CNNM2: variants seen among roughly 807,000 people sequenced by gnomAD.
CNNM2 encodes cyclin and CBS domain divalent metal cation transport mediator 2, also known as metal transporter CNNM2.
A neutral mutation model predicts 66.9 loss-of-function variants in CNNM2; 12 were observed. The ratio of observed to expected loss-of-function variants is 0.18; its 90% CI spans 0.11 to 0.29. The LOEUF (loss-of-function observed/expected upper bound fraction) is 0.29, where lower values mean the gene tolerates loss of function less well. Ranked by LOEUF, CNNM2 falls within the 10% of genes least tolerant of loss-of-function variation. CNNM2 has a pLI of 1.00. For missense variants in CNNM2, 705 were observed against 1,167.7 expected, an observed-to-expected ratio of 0.60 and a Z score of 5.77; for synonymous variants, 557 against 501.8, an observed-to-expected ratio of 1.11 and a Z score of -1.47.
At chr10:102,972,497 C>T (rs1488693767) in intron 1 of CNNM2, among the ~76,000 whole-genome samples, 2 of 151,970 alleles carry the variant, frequency 1.3e-5, no homozygotes, top group African/African-American at 4.8e-5. Flanking sequence ...ATTAGACGGG[C>T]GTGGTGGCGG....
At chr10:102,996,781 C>T (rs1234016404) in intron 1 of CNNM2, among the ~76,000 whole-genome samples, 1 of 152,188 alleles carries the variant, frequency 6.6e-6, no homozygotes, top group Non-Finnish European at 1.5e-5. Flanking sequence ...CACTTCATAT[C>T]CTAGTAGTAT....
At chr10:103,049,683 C>CT (rs2134329533) in intron 1 of CNNM2, 24 bp from the exon 2 acceptor site, 2 of 1,602,008 alleles carry the variant, frequency 1.2e-6, no homozygotes, top group East Asian at 4.5e-5. Context: ...AAGTCACTTC[C>CT]TAAACTTTTT....
intron 6 of CNNM2, among the ~76,000 whole-genome samples, chr10:103,075,342 T>A (rs1008006071): frequency 6.6e-6 from 1 of 152,208 alleles, no homozygotes; most frequent in African/African-American, 2.4e-5. Context: ...GGGCATTTTT[T>A]AATGACGTTT....
In CNNM2 at chr10:102,988,011, T is replaced by A. The variant is rs556841020; in HGVS notation, c.1622-61696T>A. Reference sequence around the variant, plus strand: ...CGCTACTTAATTGATTTAGAAATATTGAAAAGGCCGGGCATGGTGGCTCAT... The same window carrying A: ...CGCTACTTAATTGATTTAGAAATATAGAAAAGGCCGGGCATGGTGGCTCAT... On this transcript the variant is annotated intron_variant, in intron 1 of 7. Transcript: ENST00000369878. Among the ~76,000 whole-genome samples the A allele has an allele frequency of 2.0e-5, 3 of 152,164 alleles. No individual in the cohort carries two copies. In the East Asian group the frequency reaches 5.8e-4, roughly 30 times the overall value.
At position 102,919,761 on chromosome 10, in the gene CNNM2, C is replaced by G. The variant is rs750803704; in HGVS notation, c.1281C>G (p.Leu427=). The G allele has an allele frequency of 1.2e-6, 2 of 1,614,222 alleles. No individual in the cohort carries two copies. The highest frequency in any genetic ancestry group is 8.5e-7 in the Non-Finnish European group (1 of 1,180,042). ...GGGTCACCGATCCCTACAACGACCT[C>G]GTTAAGGAGGAGCTGAACATCATCC... ...MLRVTDPYND[L]VKEELNIIQG... is the part of the protein sequence containing the mutation. The change falls in exon 1 of 8, where the codon CTC becomes CTG. Residue 427 remains leucine, a synonymous_variant. Coordinates refer to ENST00000369878, the MANE Select transcript of CNNM2 (RefSeq NM_017649.5).
At chr10:102,933,732 C>A (rs1466339027) in intron 1 of CNNM2, among the ~76,000 whole-genome samples, 7 of 152,102 alleles carry the variant, frequency 4.6e-5, no homozygotes, top group African/African-American at 1.7e-4. Flanking sequence ...GACAGGGTCT[C>A]ATTAGCACAT....
rs1235850716 is a variant in CNNM2 at position 102,943,684 on chromosome 10, A to T, written c.1621+23583A>T. 1.3e-5 allele frequency among the ~76,000 whole-genome samples: 2 copies of T among 152,176 alleles called. 1 individual carries two copies. The highest frequency in any genetic ancestry group is 2.9e-5 in the Non-Finnish European group (2 of 68,028). On this transcript the variant is annotated intron_variant, in intron 1 of 7. Coordinates refer to ENST00000369878, the MANE Select transcript of CNNM2 (RefSeq NM_017649.5). ...GTAGAGCTCTTCATACTCTGGCTCTAGCCCTTGTTTTTATTTTCTGTCTAA... is the reference window on the plus strand; with the variant it reads ...GTAGAGCTCTTCATACTCTGGCTCTTGCCCTTGTTTTTATTTTCTGTCTAA...
chr10:102,961,482 A>G (rs994770131), intron 1 of CNNM2, among the ~76,000 whole-genome samples: 8 of 152,214 alleles, frequency 5.3e-5, no homozygotes, highest in Non-Finnish European at 1.0e-4. Flanking sequence ...CTTGAAGCAC[A>G]TGTCTTATAG....
intron 4 of CNNM2, among the ~76,000 whole-genome samples, chr10:103,067,096 C>CTT (rs987865731): frequency 2.0e-4 from 29 of 141,550 alleles, no homozygotes; most frequent in African/African-American, 5.9e-4. Context: ...GGCATAGCAT[C>CTT]TTTTTTTTTT....
intron 1 of CNNM2, among the ~76,000 whole-genome samples, chr10:103,003,625 A>T (rs1233707905): frequency 6.6e-6 from 1 of 151,546 alleles, no homozygotes; most frequent in African/African-American, 2.4e-5. Flanking sequence ...GAAGTTTGAG[A>T]CCAGCCTGGC....
chr10:102,920,151 TC>T, intron 1 of CNNM2, 50 bp downstream of exon 1: 1 of 1,613,660 alleles, frequency 6.2e-7, no homozygotes, highest in Non-Finnish European at 8.5e-7. Flanking sequence ...CTCTCCATCC[TC>T]CTCCCTACTT....
At chr10:102,968,436 A>G (rs2063498713) in intron 1 of CNNM2, among the ~76,000 whole-genome samples, 1 of 152,134 alleles carries the variant, frequency 6.6e-6, no homozygotes, top group South Asian at 2.1e-4. Flanking sequence ...TAGTAGAGAC[A>G]GGGTTTCACC....
intron 2 of CNNM2, among the ~76,000 whole-genome samples, chr10:103,050,977 G>T (rs2065203933): frequency 6.6e-6 from 1 of 152,172 alleles, no homozygotes; most frequent in Non-Finnish European, 1.5e-5. Context: ...GGCCTGAGAT[G>T]TTTGGGGGTC....
chr10:103,073,868 C>CAAA lies in CNNM2; in HGVS notation c.2233+2053_2233+2055dup, dbSNP rs61331007. 2.6e-4 allele frequency among the ~76,000 whole-genome samples: 18 copies of CAAA among 70,234 alleles called. 1 individual carries two copies. Among genetic ancestry groups the CAAA allele is most frequent in the Admixed American group, 1.3e-3 (6 of 4,474 alleles). 46.1% of individuals were successfully genotyped at this position (70,234 alleles called of 152,430 possible). ...TGGGCGACAGAGCGAGACTCCGTCT[C>CAAA]AAAAAAAAAAAAAAAAAAAAAAAAA... On this transcript the variant is annotated intron_variant, in intron 6 of 7. Coordinates refer to ENST00000369878, the MANE Select transcript of CNNM2 (RefSeq NM_017649.5).
In CNNM2 at chr10:103,077,330, C is replaced by A. The variant is rs114837424; in HGVS notation, c.*150C>A. 3.0e-6 allele frequency: 2 copies of A among 662,878 alleles called. No individual in the cohort carries two copies. Among genetic ancestry groups the A allele is most frequent in the Non-Finnish European group, 5.0e-6 (2 of 397,202 alleles). 41.1% of individuals were successfully genotyped at this position (662,878 alleles called of 1,614,324 possible). A position where few individuals can be genotyped will look rare whatever the true frequency, so the allele number is the denominator to read the frequency against. On this transcript the variant is annotated 3_prime_UTR_variant, in exon 8 of 8. Transcript: ENST00000369878. The stretch of plus-strand genomic sequence containing the variant: ...AAGACCTTGTGCCCTTCCCAGGAGC[C>A]GCGGAGGAGGACAGTGAGGGAGGAA...
intron 1 of CNNM2, among the ~76,000 whole-genome samples, chr10:102,967,306 C>T (rs1477345817): frequency 6.6e-6 from 1 of 152,076 alleles, no homozygotes; most frequent in Non-Finnish European, 1.5e-5. Flanking sequence ...TACCATAAAA[C>T]CCACCCATGT....
Position 103,058,340 on chromosome 10 carries a change from A to T in CNNM2, c.2073+1376A>T, listed in dbSNP as rs544483360. On this transcript the variant is annotated intron_variant, in intron 4 of 7. Coordinates refer to ENST00000369878, the MANE Select transcript of CNNM2 (RefSeq NM_017649.5). ...AACATTCATGTTTCTCATAAGAGTG[A>T]GATGCGAATATTCCTTAAGCCTGGA... is the stretch of plus-strand genomic sequence containing the variant. 3.9e-5 allele frequency among the ~76,000 whole-genome samples: 6 copies of T among 152,344 alleles called. No homozygotes were observed. In the East Asian group the frequency reaches 1.2e-3, roughly 29 times the overall value.
At chr10:102,931,630 T>C (rs1380564729) in intron 1 of CNNM2, among the ~76,000 whole-genome samples, 1 of 152,192 alleles carries the variant, frequency 6.6e-6, no homozygotes, top group African/African-American at 2.4e-5. Flanking sequence ...GTGCTGGGAT[T>C]CCAGGCGTGA....
chr10:103,024,989 A>G (rs2064671778), intron 1 of CNNM2, among the ~76,000 whole-genome samples: 1 of 152,240 alleles, frequency 6.6e-6, no homozygotes, highest in African/African-American at 2.4e-5. Flanking sequence ...GGTGTGCAAT[A>G]CTTTAGGTGG....
Sources: allele counts gnomAD v4.1 joint callset (sites outside exome capture counted in the v4.1 genomes callset), GRCh38; gene constraint gnomAD v4.1.1; transcripts MANE v1.5; gene names NCBI Gene and HGNC (gene_info 2026-07-23, HGNC 2026-07-21).